CLSTN2: variants seen among roughly 807,000 people sequenced by gnomAD.
CLSTN2 encodes the protein calsyntenin-2.
CLSTN2 carries 48 observed loss-of-function variants against 101.2 expected under a neutral mutation model. The ratio of observed to expected loss-of-function variants is 0.47; its 90% CI spans 0.38 to 0.60. CLSTN2 has a LOEUF of 0.60. CLSTN2 is among the 20% of genes least tolerant of loss of function. The pLI, the probability that CLSTN2 is intolerant of heterozygous loss-of-function variation, is 0.00. For synonymous variants in CLSTN2, 481 were observed against 463.6 expected (o/e 1.04, Z -0.48); for missense variants, 1,160 against 1,238.2 (o/e 0.94, Z 0.95).
intron 2 of CLSTN2, among the ~76,000 whole-genome samples, chr3:140,354,388 A>G (rs908625668): frequency 6.6e-6 from 1 of 152,168 alleles, no homozygotes; most frequent in Non-Finnish European, 1.5e-5. Flanking sequence ...TTCTGCATTC[A>G]TTGTCAGTTG....
At chr3:140,417,271 A>G (rs2088442910) in intron 4 of CLSTN2, among the ~76,000 whole-genome samples, 1 of 152,194 alleles carries the variant, frequency 6.6e-6, no homozygotes, top group African/African-American at 2.4e-5. Context: ...CATCTTATGC[A>G]TAGACATTAT....
intron 1 of CLSTN2, among the ~76,000 whole-genome samples, chr3:139,987,465 C>A (rs1378604646): frequency 6.6e-6 from 1 of 152,194 alleles, no homozygotes; most frequent in Non-Finnish European, 1.5e-5. Flanking sequence ...GCTAATCAGT[C>A]CTCCGTCTTT....
intron 2 of CLSTN2, among the ~76,000 whole-genome samples, chr3:140,240,039 C>A (rs1235469197): frequency 1.3e-5 from 2 of 149,574 alleles, no homozygotes; most frequent in East Asian, 4.0e-4. Context: ...TTCCTGAGCA[C>A]AGGAATTCCA....
At chr3:140,190,742 A>AT (rs760180646) in intron 2 of CLSTN2, among the ~76,000 whole-genome samples, 67 of 152,048 alleles carry the variant, frequency 4.4e-4, no homozygotes, top group African/African-American at 1.5e-3. Context: ...TAGACATACA[A>AT]TTTTTTTTAT....
intron 1 of CLSTN2, among the ~76,000 whole-genome samples, chr3:140,046,334 A>G (rs940798605): frequency 5.5e-4 from 83 of 151,886 alleles, no homozygotes; most frequent in Non-Finnish European, 8.1e-4. Flanking sequence ...TAGGATTGCA[A>G]CCCCTGCCTT....
intron 8 of CLSTN2, among the ~76,000 whole-genome samples, chr3:140,466,982 G>T (rs554102057): frequency 1.3e-5 from 2 of 152,178 alleles, no homozygotes. Flanking sequence ...GTCATGTGCC[G>T]TTTGTCCATT....
chr3:140,523,144 G>C (rs1220565481), intron 8 of CLSTN2, among the ~76,000 whole-genome samples: 3 of 152,000 alleles, frequency 2.0e-5, no homozygotes, highest in Admixed American at 1.3e-4. Flanking sequence ...CACAGAGCAG[G>C]CCTGGGCGTC....
At chr3:140,194,472 C>G (rs138647554) in intron 2 of CLSTN2, among the ~76,000 whole-genome samples, 2,346 of 152,138 alleles carry the variant, frequency 0.015, 61 homozygotes, top group African/African-American at 0.053. Flanking sequence ...CAGTCTGTAG[C>G]AGTTTGATGA....
intron 1 of CLSTN2, among the ~76,000 whole-genome samples, chr3:139,940,870 A>T (rs1182876726): frequency 6.6e-6 from 1 of 152,110 alleles, no homozygotes; most frequent in African/African-American, 2.4e-5. Flanking sequence ...AAGTAAATAA[A>T]CAAGCCTGTC....
chr3:140,554,928 C>G (rs1276502464), intron 10 of CLSTN2, among the ~76,000 whole-genome samples: 1 of 152,166 alleles, frequency 6.6e-6, no homozygotes, highest in African/African-American at 2.4e-5. Context: ...AAATGGAAAT[C>G]TATATTCACT....
At chr3:140,515,827 A>C (rs1336498333) in intron 8 of CLSTN2, among the ~76,000 whole-genome samples, 1 of 152,110 alleles carries the variant, frequency 6.6e-6, no homozygotes, top group East Asian at 1.9e-4. Flanking sequence ...GATGAGTAGA[A>C]TGTTCTGTAA....
At chr3:140,430,494 C>T (rs186136920) in intron 5 of CLSTN2, among the ~76,000 whole-genome samples, 16 of 152,266 alleles carry the variant, frequency 1.1e-4, no homozygotes, top group African/African-American at 3.1e-4. Context: ...TATTGGAACA[C>T]GGCCACACTC....
rs75230948 is a variant in CLSTN2, at chr3:140,244,818, G to A, written c.232+68745G>A. On this transcript the variant is annotated intron_variant, in intron 2 of 16. Transcript: ENST00000458420. ...TTGTAGTTCCAGTTTGATGTTTATTGCAGTTTATTCTCTGTAACACTCCAG... is the reference window on the plus strand; with the variant it reads ...TTGTAGTTCCAGTTTGATGTTTATTACAGTTTATTCTCTGTAACACTCCAG... Among the ~76,000 whole-genome samples, 110 of 152,196 alleles carry A rather than the reference G, an allele frequency of 7.2e-4. 2 individuals are homozygous for A. In the East Asian group the frequency reaches 0.018, roughly 25 times the overall value.
intron 1 of CLSTN2, among the ~76,000 whole-genome samples, chr3:140,120,930 T>C (rs763856664): frequency 6.6e-6 from 1 of 152,186 alleles, no homozygotes; most frequent in South Asian, 2.1e-4. Flanking sequence ...CACACACATT[T>C]TCAATGCCCC....
At chr3:140,042,168 T>C (rs1467230583) in intron 1 of CLSTN2, among the ~76,000 whole-genome samples, 1 of 152,186 alleles carries the variant, frequency 6.6e-6, no homozygotes, top group African/African-American at 2.4e-5. Flanking sequence ...CACATTTAGG[T>C]TCATTTGGTT....
intron 2 of CLSTN2, among the ~76,000 whole-genome samples, chr3:140,267,291 G>C (rs1322104588): frequency 6.6e-6 from 1 of 152,156 alleles, no homozygotes; most frequent in Admixed American, 6.5e-5. Context: ...TGCAGCTTGA[G>C]GAGAAAATAC....
intron 2 of CLSTN2, among the ~76,000 whole-genome samples, chr3:140,277,754 T>C (rs2086808403): frequency 6.6e-6 from 1 of 152,194 alleles, no homozygotes; most frequent in African/African-American, 2.4e-5. Flanking sequence ...TTGTTTGCGC[T>C]GGGTGGTTCC....
chr3:140,026,711 A>T (rs936614905), intron 1 of CLSTN2, among the ~76,000 whole-genome samples: 1 of 152,228 alleles, frequency 6.6e-6, no homozygotes, highest in Non-Finnish European at 1.5e-5. Context: ...TTTCATGGTC[A>T]GGAATGTCTT....
chr3:140,404,241 A>C (rs2088278531), intron 3 of CLSTN2, among the ~76,000 whole-genome samples: 1 of 152,180 alleles, frequency 6.6e-6, no homozygotes, highest in South Asian at 2.1e-4. Context: ...ACAGAGTAAG[A>C]GGGGTTAAAT....
Sources: gnomAD v4.1 joint callset for allele counts (sites outside exome capture counted in the v4.1 genomes callset) on GRCh38, gnomAD v4.1.1 for gene constraint, MANE v1.5 for transcripts, NCBI Gene and HGNC (gene_info 2026-07-23, HGNC 2026-07-21) for gene names.